The following DTWD2 variants were observed in gnomAD, a reference collection of about 807,000 sequenced individuals.
DTWD2 encodes the protein DTW motif tRNA-uridine aminocarboxypropyltransferase 2.
Under a neutral mutation model 31.8 loss-of-function variants are expected in DTWD2, and 39 were observed. The ratio of observed to expected loss-of-function variants is 1.22; its 90% CI spans 0.95 to 1.60. The LOEUF (loss-of-function observed/expected upper bound fraction) is 1.60, where lower values mean the gene tolerates loss of function less well. Among genes scored for constraint, DTWD2 ranks in the 40% most tolerant of loss-of-function variants. The pLI is 0.00. For missense variants in DTWD2, 515 were observed against 381.5 expected, an observed-to-expected ratio of 1.35 and a Z score of -2.92; for synonymous variants, 180 against 142.8, an observed-to-expected ratio of 1.26 and a Z score of -1.86.
At chr5:118,920,967 C>T (rs1753690072) in intron 4 of DTWD2, among the ~76,000 whole-genome samples, 1 of 152,114 alleles carries the variant, frequency 6.6e-6, no homozygotes, top group Admixed American at 6.6e-5. Context: ...AGTAGGGAGG[C>T]AGAGAACTCC....
chr5:118,884,996 C>CAAAAAA (rs36042211), intron 4 of DTWD2, among the ~76,000 whole-genome samples: 1 of 49,742 alleles, frequency 2.0e-5, no homozygotes, highest in African/African-American at 8.3e-5. Flanking sequence ...ACTCCATCTC[C>CAAAAAA]AAAAAAAAAA....
chr5:118,897,237 G>T (rs1753103560), intron 4 of DTWD2, among the ~76,000 whole-genome samples: 1 of 152,184 alleles, frequency 6.6e-6, no homozygotes, highest in Non-Finnish European at 1.5e-5. Flanking sequence ...GTTTCCAAGT[G>T]TCTTCTCCCA....
At chr5:118,976,880 C>CA (rs931264212) in intron 1 of DTWD2, among the ~76,000 whole-genome samples, 5 of 151,618 alleles carry the variant, frequency 3.3e-5, no homozygotes, top group South Asian at 4.2e-4. Flanking sequence ...AGAGATACAA[C>CA]AAAAAAAAGA....
intron 4 of DTWD2, among the ~76,000 whole-genome samples, chr5:118,916,450 G>C (rs1753579211): frequency 6.6e-6 from 1 of 152,136 alleles, no homozygotes; most frequent in Non-Finnish European, 1.5e-5. Context: ...TGGATCACCT[G>C]AGGTCGGGAG....
At chr5:118,887,481 G>C (rs556793815) in intron 4 of DTWD2, among the ~76,000 whole-genome samples, 72 of 152,194 alleles carry the variant, frequency 4.7e-4, no homozygotes, top group Non-Finnish European at 9.0e-4. Flanking sequence ...CTATCCCTAA[G>C]ACAGATGGAG....
intron 4 of DTWD2, among the ~76,000 whole-genome samples, chr5:118,897,309 G>C (rs1753105437): frequency 6.6e-6 from 1 of 152,190 alleles, no homozygotes; most frequent in African/African-American, 2.4e-5. Context: ...CATGTGTGAA[G>C]TGTTATCTAC....
chr5:118,894,954 C>G (rs1208621668), intron 4 of DTWD2, among the ~76,000 whole-genome samples: 1 of 151,950 alleles, frequency 6.6e-6, no homozygotes, highest in African/African-American at 2.4e-5. Flanking sequence ...TGGAACAAGA[C>G]AAGAAAGCAC....
In DTWD2 at chr5:118,848,862, T is replaced by C. The variant is rs376653429; in HGVS notation, c.598-644A>G. On this transcript the variant is annotated intron_variant, in intron 4 of 5. Coordinates refer to ENST00000510708, the MANE Select transcript of DTWD2 (RefSeq NM_173666.4). ...AACTGGACCCCTTCCTTAAACCTTA[T>C]ACAAAAATTAACTCAAGAGGGATTA... Among the ~76,000 whole-genome samples the C allele has an allele frequency of 4.7e-4, 71 of 152,190 alleles. 1 individual carries two copies. The East Asian group carries it at 0.012, about 25-fold the overall frequency.
intron 1 of DTWD2, among the ~76,000 whole-genome samples, chr5:118,954,335 A>AT (rs1345076875): frequency 2.0e-5 from 3 of 152,078 alleles, no homozygotes; most frequent in Non-Finnish European, 4.4e-5. Flanking sequence ...CTATCCCCTT[A>AT]TTCTGACTGA....
At chr5:118,949,929 G>T (rs570897978) in intron 1 of DTWD2, among the ~76,000 whole-genome samples, 1 of 152,122 alleles carries the variant, frequency 6.6e-6, no homozygotes, top group Admixed American at 6.6e-5. Context: ...TTGTCTAAGC[G>T]GCCGGGCGCG....
At position 118,836,952 on chromosome 5, in the gene DTWD2, C is replaced by T. The variant is rs1751586079; in HGVS notation, c.*3965G>A. On this transcript the variant is annotated 3_prime_UTR_variant, in exon 6 of 6. Transcript: ENST00000510708. ...ACTAAGACAGGAGTCAAGTGATCAGCACGGTGTAAAAAGTCAGGGATTTCC... is the reference window on the plus strand; with the variant it reads ...ACTAAGACAGGAGTCAAGTGATCAGTACGGTGTAAAAAGTCAGGGATTTCC... 6.6e-6 allele frequency among the ~76,000 whole-genome samples: 1 copy of T among 152,166 alleles called. No individual in the cohort carries two copies. The highest frequency in any genetic ancestry group is 2.4e-5 in the African/African-American group (1 of 41,458).
At chr5:118,846,523 A>G (rs961229888) in intron 5 of DTWD2, among the ~76,000 whole-genome samples, 1 of 152,172 alleles carries the variant, frequency 6.6e-6, no homozygotes, top group Non-Finnish European at 1.5e-5. Context: ...TGAACTTTCA[A>G]TGGGTCCTTG....
At chr5:118,934,929 C>G (rs775669627) in intron 3 of DTWD2, among the ~76,000 whole-genome samples, 8 of 152,218 alleles carry the variant, frequency 5.3e-5, no homozygotes, top group Non-Finnish European at 8.8e-5. Flanking sequence ...CTTTCCGTTT[C>G]CTGGAATACA....
intron 4 of DTWD2, among the ~76,000 whole-genome samples, chr5:118,863,274 A>G (rs1432378039): frequency 6.6e-6 from 1 of 152,234 alleles, no homozygotes; most frequent in African/African-American, 2.4e-5. Flanking sequence ...CACAGACTCC[A>G]CAAGGGAATG....
chr5:118,977,254 G>A (rs1408045506), intron 1 of DTWD2, among the ~76,000 whole-genome samples: 1 of 152,286 alleles, frequency 6.6e-6, no homozygotes, highest in East Asian at 1.9e-4. Flanking sequence ...AACGCTGGAA[G>A]CATTTCCTTT....
chr5:118,867,424 C>T (rs1007651398), intron 4 of DTWD2, among the ~76,000 whole-genome samples: 3 of 152,052 alleles, frequency 2.0e-5, no homozygotes, highest in Non-Finnish European at 4.4e-5. Context: ...TAATAATTTA[C>T]ATTATCTATC....
intron 4 of DTWD2, among the ~76,000 whole-genome samples, chr5:118,901,130 T>G (rs1580795671): frequency 6.6e-6 from 1 of 152,126 alleles, no homozygotes; most frequent in Admixed American, 6.5e-5. Flanking sequence ...ATAAAGATTT[T>G]TAGAACTTCT....
rs114860196 is a variant in DTWD2 at position 118,864,023 on chromosome 5, G to T, written c.598-15805C>A. Among the ~76,000 whole-genome samples, 269 of 149,672 alleles carry T rather than the reference G, an allele frequency of 1.8e-3. 1 individual carries two copies. The highest frequency in any genetic ancestry group is 6.4e-3 in the African/African-American group (254 of 39,702). On this transcript the variant is annotated intron_variant, in intron 4 of 5. Coordinates refer to ENST00000510708, the MANE Select transcript of DTWD2 (RefSeq NM_173666.4). ...ATCTTACTCTCCGGCCTCTTTTCTT[G>T]CCATTTCCTTAGTTGCACCTTATTT...
At chr5:118,905,311 G>T (rs532198768) in intron 4 of DTWD2, among the ~76,000 whole-genome samples, 3 of 152,066 alleles carry the variant, frequency 2.0e-5, no homozygotes, top group African/African-American at 7.2e-5. Flanking sequence ...AGCAACTGGA[G>T]GAATTGCTAA....
Sources: gnomAD v4.1 joint callset for allele counts (sites outside exome capture counted in the v4.1 genomes callset) on GRCh38, gnomAD v4.1.1 for gene constraint, MANE v1.5 for transcripts, NCBI Gene and HGNC (gene_info 2026-07-23, HGNC 2026-07-21) for gene names.